Variants in ADSS1 observed in about 807,000 individuals in gnomAD.
The protein encoded by ADSS1 is adenylosuccinate synthase 1.
ADSS1 carries 57 observed loss-of-function variants against 59.1 expected under a neutral mutation model. The ratio of observed to expected loss-of-function variants is 0.97; its 90% CI spans 0.78 to 1.20. The LOEUF is 1.20. Among genes scored for constraint, ADSS1 ranks in the 50% most tolerant of loss-of-function variants. The pLI is 0.00. For missense variants in ADSS1, 603 were observed against 610.3 expected (o/e 0.99, Z 0.13); for synonymous variants, 247 against 249.4 (o/e 0.99, Z 0.09).
intron 8 of ADSS1, among the ~76,000 whole-genome samples, chr14:104,741,481 G>A (rs1330506405): frequency 6.6e-6 from 1 of 152,204 alleles, no homozygotes; most frequent in Non-Finnish European, 1.5e-5. Context: ...AAGGTCAGGG[G>A]TGGGGCCAGG....
At chr14:104,733,496 C>G (rs1398566516) in intron 1 of ADSS1, among the ~76,000 whole-genome samples, 1 of 152,168 alleles carries the variant, frequency 6.6e-6, no homozygotes, top group Admixed American at 6.5e-5. Context: ...CCAGATGCAT[C>G]GTGAGGAGCT....
At chr14:104,739,539 G>A in intron 4 of ADSS1, 161 bp downstream of exon 4, 1 of 980,896 alleles carries the variant, frequency 1.0e-6, no homozygotes, top group South Asian at 1.6e-5. Context: ...AGAGCTTCAA[G>A]TTGGGAGCTG....
At chr14:104,741,299 C>T (rs1891345425) in intron 8 of ADSS1, 56 bp downstream of exon 8, 1 of 1,512,088 alleles carries the variant, frequency 6.6e-7, no homozygotes, top group Admixed American at 2.1e-5. Context: ...AGGGAAGACC[C>T]AGCTGCGGAG....
chr14:104,734,056 C>T (rs980110666), intron 1 of ADSS1, among the ~76,000 whole-genome samples: 2 of 152,212 alleles, frequency 1.3e-5, no homozygotes, highest in African/African-American at 2.4e-5. Flanking sequence ...TATCCCTTGC[C>T]GTTGGTGGGG....
At chr14:104,743,779 G>A (rs1169125010) in intron 10 of ADSS1, among the ~76,000 whole-genome samples, 4 of 152,264 alleles carry the variant, frequency 2.6e-5, no homozygotes, top group African/African-American at 7.2e-5. Context: ...TGCTAGGTGG[G>A]TATAGAGCTA....
At chr14:104,733,598 G>T (rs1455433450) in intron 1 of ADSS1, among the ~76,000 whole-genome samples, 1 of 152,198 alleles carries the variant, frequency 6.6e-6, no homozygotes, top group Non-Finnish European at 1.5e-5. Flanking sequence ...GGCTTGTGAG[G>T]GTGGGAGGGG....
At chr14:104,727,609 G>A (rs1475882069) in intron 1 of ADSS1, among the ~76,000 whole-genome samples, 2 of 152,086 alleles carry the variant, frequency 1.3e-5, no homozygotes, top group East Asian at 1.9e-4. Context: ...GGGTCCCCAG[G>A]TACCTCCGCC....
At position 104,741,867 on chromosome 14, in the gene ADSS1, T is replaced by C. The variant is rs1405194037; in HGVS notation, c.813T>C (p.Thr271=). Residue 271 remains threonine (T), a synonymous_variant, in exon 9 of 13, where the codon ACT becomes ACC. Transcript: ENST00000330877. ...TTGCAGGGACCTACCCCTTTGTGAC[T>C]TCATCCAACTGCACCGTGGGCGGTG... is the stretch of plus-strand genomic sequence containing the variant. ...DIDFGTYPFV[T]SSNCTVGGVC... 1 of 1,613,320 alleles carries C rather than the reference T, an allele frequency of 6.2e-7. No individual in the cohort carries two copies. Among genetic ancestry groups the C allele is most frequent in the Non-Finnish European group, 8.5e-7 (1 of 1,179,952 alleles).
At chr14:104,732,080 G>A (rs565338598) in intron 1 of ADSS1, among the ~76,000 whole-genome samples, 1 of 152,310 alleles carries the variant, frequency 6.6e-6, no homozygotes, top group South Asian at 2.1e-4. Context: ...TCCAAAAGAA[G>A]GTCCTGGTGC....
intron 2 of ADSS1, among the ~76,000 whole-genome samples, chr14:104,736,631 G>C (rs1891133687): frequency 6.6e-6 from 1 of 152,168 alleles, no homozygotes; most frequent in African/African-American, 2.4e-5. Flanking sequence ...AAAGGGAAAG[G>C]GGTTCCTTGG....
chr14:104,735,171 C>G (rs752768457), intron 2 of ADSS1, 49 bp downstream of exon 2: 4 of 1,523,986 alleles, frequency 2.6e-6, no homozygotes, highest in Non-Finnish European at 3.6e-6. Flanking sequence ...GGGGTGTCAG[C>G]CAGCCCAGGA....
Position 104,724,388 on chromosome 14 carries a change from C to A in ADSS1, c.118C>A (p.Gln40Lys). 7.9e-7 allele frequency: 1 copy of A among 1,258,650 alleles called. No individual in the cohort carries two copies. Among genetic ancestry groups the A allele is most frequent in the Non-Finnish European group, 1.0e-6 (1 of 996,260 alleles). 78.0% of individuals were successfully genotyped at this position (1,258,650 alleles called of 1,614,324 possible). ...CCGCGTGACGGTGGTGCTGGGCGCG[C>A]AGTGGGGGGACGAGGGCAAAGGCAA... ...GSRVTVVLGA[Q>K]WGDEGKGKVV... The change falls in exon 1 of 13, where the codon CAG becomes AAG. Residue 40 changes from glutamine (Q) to lysine (K), a missense_variant. Coordinates refer to ENST00000330877, the MANE Select transcript of ADSS1 (RefSeq NM_152328.5).
chr14:104,731,758 C>T (rs773862783), intron 1 of ADSS1, among the ~76,000 whole-genome samples: 14 of 152,216 alleles, frequency 9.2e-5, no homozygotes, highest in Non-Finnish European at 1.6e-4. Flanking sequence ...ATCACTTATC[C>T]CCATGAGGCA....
intron 8 of ADSS1, 23 bp from the exon 9 acceptor site, chr14:104,741,825 C>T (rs771581444): frequency 6.8e-6 from 11 of 1,612,258 alleles, no homozygotes; most frequent in Middle Eastern, 1.6e-4. Flanking sequence ...CAGGTAGCCC[C>T]CTAAACCTGC....
intron 2 of ADSS1, 86 bp downstream of exon 2, chr14:104,735,208 C>A: frequency 7.9e-7 from 1 of 1,264,398 alleles, no homozygotes; most frequent in Admixed American, 2.0e-5. Flanking sequence ...CACGGGGCAC[C>A]AGAGCCTGGT....
chr14:104,741,787 G>A, intron 8 of ADSS1, 61 bp from the exon 9 acceptor site: 2 of 1,590,206 alleles, frequency 1.3e-6, no homozygotes, highest in East Asian at 2.2e-5. Flanking sequence ...GGCCTCTTGG[G>A]CCGGGTGGAA....
chr14:104,746,096 C>T (rs937521525), intron 11 of ADSS1, 140 bp from the exon 12 acceptor site: 81 of 1,102,498 alleles, frequency 7.3e-5, no homozygotes, highest in Non-Finnish European at 8.8e-5. Context: ...AACTGGGCCA[C>T]GTGCCCACTT....
intron 2 of ADSS1, among the ~76,000 whole-genome samples, chr14:104,735,486 TGTGA>T (rs1454758036): frequency 2.6e-5 from 4 of 152,302 alleles, no homozygotes; most frequent in East Asian, 1.9e-4. Flanking sequence ...TGTGCATACC[TGTGA>T]GTGAGTATGT....
Position 104,740,976 on chromosome 14 carries a change from A to G in ADSS1, c.666+56A>G. The stretch of plus-strand genomic sequence containing the variant: ...GGAAGTGCTCCTCCAGGGAGGCTGG[A>G]TGTCCTACCTGGTGCTCGTTGAACA... On this transcript the variant is annotated intron_variant, in intron 7 of 12. Coordinates refer to ENST00000330877, the MANE Select transcript of ADSS1 (RefSeq NM_152328.5). This position sits in a 1 kb window ranked among gnomAD's most constrained non-coding sequence, Gnocchi z 4.8. 2 of 1,609,660 alleles carry G rather than the reference A, an allele frequency of 1.2e-6. No individual in the cohort carries two copies. The highest frequency in any genetic ancestry group is 1.7e-5 in the Admixed American group (1 of 59,990).
Sources: gnomAD v4.1 joint callset for allele counts (sites outside exome capture counted in the v4.1 genomes callset) on GRCh38, gnomAD v4.1.1 for gene constraint, Gnocchi (gnomAD v3.1) non-coding constraint, MANE v1.5 for transcripts, NCBI Gene and HGNC (gene_info 2026-07-23, HGNC 2026-07-21) for gene names.